The following KCND2 variants were observed in gnomAD, a reference collection of about 807,000 sequenced individuals.
KCND2 encodes A-type voltage-gated potassium channel KCND2.
A neutral mutation model predicts 54.4 loss-of-function variants in KCND2; 16 were observed. That is an observed-to-expected ratio of 0.29 (90% CI 0.20 to 0.45). The LOEUF is 0.45. Among genes scored for constraint, KCND2 ranks in the 20% least tolerant of loss-of-function variants. The pLI, the probability that KCND2 is intolerant of heterozygous loss-of-function variation, is 1.00. For synonymous variants in KCND2, 317 were observed against 310.7 expected, an observed-to-expected ratio of 1.02 and a Z score of -0.21; for missense variants, 486 against 824.2, an observed-to-expected ratio of 0.59 and a Z score of 5.02.
chr7:120,745,895 C>A lies in KCND2; in HGVS notation c.1583C>A (p.Thr528Asn). ...SLSSQQGVTSTCCSRRHKKTF... is the reference protein window; with the variant it reads ...SLSSQQGVTSNCCSRRHKKTF... ...TCTTCACAACAAGGAGTCACCAGCACCTGCTGTTCACGACGACACAAAAAA... is the reference window on the plus strand; with the variant it reads ...TCTTCACAACAAGGAGTCACCAGCAACTGCTGTTCACGACGACACAAAAAA... Residue 528 changes from threonine to asparagine, a missense_variant, in exon 5 of 6, where the codon ACC (threonine) becomes AAC (asparagine). Physicochemically the swap from Thr to Asn is moderately conservative, Grantham distance 65 (BLOSUM62 0). Coordinates refer to ENST00000331113, the MANE Select transcript of KCND2 (RefSeq NM_012281.3). The A allele has an allele frequency of 6.2e-7, 1 of 1,613,920 alleles. No homozygotes were observed.
chr7:120,626,489 G>C lies in KCND2; in HGVS notation c.1116-106414G>C, dbSNP rs188137023. On this transcript the variant is annotated intron_variant, in intron 1 of 5. Coordinates refer to ENST00000331113, the MANE Select transcript of KCND2 (RefSeq NM_012281.3). ...CCAAAATGATTCCTGAGATTAATGA[G>C]TTTGGTAACAAGGTCATGGATGTGT... 2.5e-4 allele frequency among the ~76,000 whole-genome samples: 38 copies of C among 152,258 alleles called. No homozygotes were observed. In the East Asian group the frequency reaches 6.9e-3, roughly 28 times the overall value.
chr7:120,475,805 C>G (rs1296909798), intron 1 of KCND2, among the ~76,000 whole-genome samples: 2 of 152,144 alleles, frequency 1.3e-5, no homozygotes, highest in Non-Finnish European at 2.9e-5. Context: ...GAATATTACT[C>G]TTAACACAGA....
intron 1 of KCND2, among the ~76,000 whole-genome samples, chr7:120,650,025 C>G (rs1691576879): frequency 6.6e-6 from 1 of 152,016 alleles, no homozygotes; most frequent in Non-Finnish European, 1.5e-5. Flanking sequence ...ATAACCCGAC[C>G]TTTCTCTCTG....
At chr7:120,727,959 C>T (rs1792755359) in intron 1 of KCND2, among the ~76,000 whole-genome samples, 1 of 151,702 alleles carries the variant, frequency 6.6e-6, no homozygotes, top group African/African-American at 2.4e-5. Flanking sequence ...CATGGTGAAA[C>T]CCCTTCTCTA....
chr7:120,523,702 C>CTGTGTG (rs1554364024), intron 1 of KCND2, among the ~76,000 whole-genome samples: 2 of 111,032 alleles, frequency 1.8e-5, no homozygotes, highest in African/African-American at 8.7e-5. Flanking sequence ...CACACACACA[C>CTGTGTG]TCTGTGTGTG....
intron 1 of KCND2, among the ~76,000 whole-genome samples, chr7:120,492,634 T>C (rs1047047998): frequency 5.3e-5 from 8 of 152,064 alleles, no homozygotes; most frequent in African/African-American, 1.9e-4. Flanking sequence ...CTAGAGTTTC[T>C]TTTATAAGGA....
At chr7:120,637,857 T>C (rs1465125294) in intron 1 of KCND2, among the ~76,000 whole-genome samples, 3 of 152,118 alleles carry the variant, frequency 2.0e-5, no homozygotes, top group African/African-American at 4.8e-5. Context: ...TTAGCTCCTG[T>C]GTGACTTTTG....
chr7:120,414,776 G>T (rs1462711454), intron 1 of KCND2, among the ~76,000 whole-genome samples: 1 of 151,996 alleles, frequency 6.6e-6, no homozygotes, highest in Non-Finnish European at 1.5e-5. Flanking sequence ...TAGTTTGATT[G>T]TTGAAATATC....
chr7:120,730,259 A>G (rs989073869), intron 1 of KCND2, among the ~76,000 whole-genome samples: 1 of 152,018 alleles, frequency 6.6e-6, no homozygotes, highest in African/African-American at 2.4e-5. Flanking sequence ...GTGTCTGTGT[A>G]TGTACCTTCT....
chr7:120,630,983 T>TA (rs2116514903), intron 1 of KCND2, among the ~76,000 whole-genome samples: 1 of 152,262 alleles, frequency 6.6e-6, no homozygotes, highest in South Asian at 2.1e-4. Flanking sequence ...ACATCAGCCT[T>TA]AAGGAGCTGC....
intron 1 of KCND2, among the ~76,000 whole-genome samples, chr7:120,334,199 G>A (rs1327562926): frequency 6.6e-6 from 1 of 152,132 alleles, no homozygotes; most frequent in Non-Finnish European, 1.5e-5. Flanking sequence ...GAGTAAAATA[G>A]TTATGGCTGT....
chr7:120,385,825 A>G (rs544511770), intron 1 of KCND2, among the ~76,000 whole-genome samples: 2 of 152,114 alleles, frequency 1.3e-5, no homozygotes, highest in Non-Finnish European at 2.9e-5. Context: ...CCTTCACTGT[A>G]CAACTGTAGC....
At chr7:120,347,464 G>A (rs961213852) in intron 1 of KCND2, among the ~76,000 whole-genome samples, 4 of 152,058 alleles carry the variant, frequency 2.6e-5, no homozygotes, top group African/African-American at 9.7e-5. Context: ...ACAGTAAGAG[G>A]TACATTTTTC....
chr7:120,465,689 C>G (rs1424033613), intron 1 of KCND2, among the ~76,000 whole-genome samples: 1 of 152,084 alleles, frequency 6.6e-6, no homozygotes, highest in Admixed American at 6.6e-5. Flanking sequence ...GTCTGTCTGT[C>G]TGAAAATCTT....
chr7:120,301,860 C>T lies in KCND2; in HGVS notation c.1115+26113C>T, dbSNP rs138719572. On this transcript the variant is annotated intron_variant, in intron 1 of 5. Coordinates refer to ENST00000331113, the MANE Select transcript of KCND2 (RefSeq NM_012281.3). ...CGTTTTGTGCATCACCCCTATAATA[C>T]CTTCCTAAGAGAACATAGAGAATTG... is the stretch of plus-strand genomic sequence containing the variant. Among the ~76,000 whole-genome samples the T allele has an allele frequency of 2.6e-3, 393 of 152,178 alleles. 1 individual carries two copies. The highest frequency in any genetic ancestry group is 2.1e-3 in the Non-Finnish European group (144 of 68,004).
At chr7:120,701,155 T>C (rs949314170) in intron 1 of KCND2, among the ~76,000 whole-genome samples, 8 of 148,662 alleles carry the variant, frequency 5.4e-5, no homozygotes, top group Non-Finnish European at 1.0e-4. Flanking sequence ...TCAACATTTC[T>C]GCATATATTT....
chr7:120,583,294 T>C (rs2116446503), intron 1 of KCND2, among the ~76,000 whole-genome samples: 1 of 152,328 alleles, frequency 6.6e-6, no homozygotes, highest in East Asian at 1.9e-4. Flanking sequence ...ACTATTTTCA[T>C]TTCTATCCCA....
chr7:120,646,095 C>T (rs1793439173), intron 1 of KCND2, among the ~76,000 whole-genome samples: 1 of 152,180 alleles, frequency 6.6e-6, no homozygotes, highest in African/African-American at 2.4e-5. Context: ...AAACTAAAGT[C>T]TGCTGGAATT....
chr7:120,469,887 C>A (rs1445863150), intron 1 of KCND2, among the ~76,000 whole-genome samples: 1 of 152,096 alleles, frequency 6.6e-6, no homozygotes, highest in Non-Finnish European at 1.5e-5. Context: ...TCATAAAGAA[C>A]ATTGAAATTT....
Sources: allele counts gnomAD v4.1 joint callset (sites outside exome capture counted in the v4.1 genomes callset), GRCh38; gene constraint gnomAD v4.1.1; transcripts MANE v1.5; gene names NCBI Gene and HGNC (gene_info 2026-07-23, HGNC 2026-07-21).